The following EPB41L4A variants were observed in gnomAD, a reference collection of about 807,000 sequenced individuals.
EPB41L4A encodes the protein erythrocyte membrane protein band 4.1 like 4A.
A neutral mutation model predicts 108.6 loss-of-function variants in EPB41L4A; 100 were observed. That is an observed-to-expected ratio of 0.92 (90% CI 0.78 to 1.09). The LOEUF (loss-of-function observed/expected upper bound fraction) is 1.09, where lower values mean the gene tolerates loss of function less well. Among genes scored for constraint, EPB41L4A ranks in the 50% least tolerant of loss-of-function variants. The pLI is 0.00. For missense variants in EPB41L4A, 1,030 were observed against 842.7 expected (o/e 1.22, Z -2.75); for synonymous variants, 319 against 289.0 (o/e 1.10, Z -1.05).
chr5:112,218,197 G>A (rs1017911160), intron 12 of EPB41L4A, among the ~76,000 whole-genome samples: 1 of 152,152 alleles, frequency 6.6e-6, no homozygotes, highest in African/African-American at 2.4e-5. Context: ...CAAAGGAGTA[G>A]GATGAGAGAC....
chr5:112,355,739 T>TA (rs1434723382), intron 1 of EPB41L4A, among the ~76,000 whole-genome samples: 1 of 152,216 alleles, frequency 6.6e-6, no homozygotes, highest in East Asian at 1.9e-4. Flanking sequence ...ATGCTCTTCT[T>TA]AGAGATATAC....
chr5:112,380,718 A>C (rs1200854502), intron 1 of EPB41L4A, among the ~76,000 whole-genome samples: 1 of 152,002 alleles, frequency 6.6e-6, no homozygotes, highest in African/African-American at 2.4e-5. Context: ...AAAAAATGAA[A>C]TGTCCCCAAT....
At chr5:112,221,413 G>T (rs1282946226) in intron 12 of EPB41L4A, among the ~76,000 whole-genome samples, 2 of 152,134 alleles carry the variant, frequency 1.3e-5, no homozygotes, top group Non-Finnish European at 2.9e-5. Context: ...TCTCAGCTCT[G>T]CCAGTTTACC....
chr5:112,266,396 C>G, intron 4 of EPB41L4A, 66 bp from the exon 5 acceptor site: 1 of 1,113,182 alleles, frequency 9.0e-7, no homozygotes, highest in Non-Finnish European at 1.3e-6. Context: ...GTTTCGGACC[C>G]TGATAATCAA....
At chr5:112,143,996 T>C (rs1326128292) in intron 13 of EPB41L4A, 2 of 342,744 alleles carry the variant, frequency 5.8e-6, no homozygotes, top group East Asian at 1.7e-4. Context: ...TTATTATCAC[T>C]GGACTGGATC....
chr5:112,162,968 G>A lies in EPB41L4A; in HGVS notation c.*2022C>T, dbSNP rs1403677773. 1.3e-5 allele frequency: 2 copies of A among 152,182 alleles called. No individual in the cohort carries two copies. Among genetic ancestry groups the A allele is most frequent in the Non-Finnish European group, 2.9e-5 (2 of 68,050 alleles). 9.4% of individuals were successfully genotyped at this position (152,182 alleles called of 1,614,324 possible). ...GTTTTAGAACTGAGTCCTTACTGAGGCTTGTAAGATGGCTATTATGGGAGG... is the reference window on the plus strand; with the variant it reads ...GTTTTAGAACTGAGTCCTTACTGAGACTTGTAAGATGGCTATTATGGGAGG... On this transcript the variant is annotated 3_prime_UTR_variant, in exon 23 of 23. Coordinates refer to ENST00000261486, the MANE Select transcript of EPB41L4A (RefSeq NM_022140.5).
At chr5:112,282,200 CAAGTA>C (rs775684203) in intron 2 of EPB41L4A, among the ~76,000 whole-genome samples, 7 of 152,100 alleles carry the variant, frequency 4.6e-5, no homozygotes, top group Non-Finnish European at 1.0e-4. Context: ...GTAGCTCATT[CAAGTA>C]GAGTAAAATC....
At chr5:112,195,821 A>G (rs1761940216) in intron 15 of EPB41L4A, 113 bp from the exon 16 acceptor site, 1 of 913,902 alleles carries the variant, frequency 1.1e-6, no homozygotes, top group Admixed American at 2.3e-5. Flanking sequence ...ACATTCATTC[A>G]TTTGCCAAAC....
intron 4 of EPB41L4A, among the ~76,000 whole-genome samples, chr5:112,274,416 C>G (rs545517496): frequency 1.1e-3 from 163 of 152,186 alleles, no homozygotes; most frequent in African/African-American, 3.6e-3. Context: ...TATGGCACTT[C>G]AAAGTGGGAT....
At chr5:112,369,034 C>A (rs1759316985) in intron 1 of EPB41L4A, among the ~76,000 whole-genome samples, 1 of 152,106 alleles carries the variant, frequency 6.6e-6, no homozygotes, top group Admixed American at 6.5e-5. Context: ...GATCCAAAGT[C>A]TTCTCTCCAG....
intron 2 of EPB41L4A, among the ~76,000 whole-genome samples, chr5:112,287,758 A>G (rs1477482895): frequency 6.6e-6 from 1 of 152,216 alleles, no homozygotes; most frequent in Admixed American, 6.5e-5. Flanking sequence ...GCTGTCTCTA[A>G]GAGCCTCAAT....
At chr5:112,224,962 C>G (rs1287620559) in intron 12 of EPB41L4A, among the ~76,000 whole-genome samples, 2 of 152,208 alleles carry the variant, frequency 1.3e-5, no homozygotes, top group Non-Finnish European at 2.9e-5. Flanking sequence ...AAAATTTATA[C>G]TAACTTCTTC....
At position 112,368,627 on chromosome 5, in the gene EPB41L4A, C is replaced by T. The variant is rs577465282; in HGVS notation, c.99+50314G>A. Among the ~76,000 whole-genome samples the T allele has an allele frequency of 4.4e-4, 67 of 152,232 alleles. No individual in the cohort carries two copies. The South Asian group carries it at 0.012, about 26-fold the overall frequency. On this transcript the variant is annotated intron_variant, in intron 1 of 22. Transcript: ENST00000261486. ...AAACCACTGTTCTACTGCACCTGCT[C>T]TCCCAAAGCCCACCACTTTCTTGGA...
intron 18 of EPB41L4A, among the ~76,000 whole-genome samples, chr5:112,183,102 G>A (rs964617446): frequency 1.7e-4 from 26 of 152,118 alleles, no homozygotes; most frequent in African/African-American, 5.6e-4. Flanking sequence ...GAGTCCTGGT[G>A]TGAACCCCCC....
At chr5:112,157,543 G>T (rs1759693305) in intron 12 of EPB41L4A, among the ~76,000 whole-genome samples, 1 of 152,140 alleles carries the variant, frequency 6.6e-6, no homozygotes, top group Non-Finnish European at 1.5e-5. Flanking sequence ...TCAGCTGAGG[G>T]TTATTCCCAG....
chr5:112,244,371 G>C (rs941391841), intron 9 of EPB41L4A, among the ~76,000 whole-genome samples: 2 of 152,298 alleles, frequency 1.3e-5, no homozygotes, highest in African/African-American at 4.8e-5. Flanking sequence ...TGGCTACACT[G>C]TCTGGGGTAT....
intron 8 of EPB41L4A, among the ~76,000 whole-genome samples, 169 bp from the exon 9 acceptor site, chr5:112,259,461 C>T (rs1751343778): frequency 6.6e-6 from 1 of 152,174 alleles, no homozygotes; most frequent in Non-Finnish European, 1.5e-5. Flanking sequence ...CTAATGAAAA[C>T]TCCATTCTCA....
chr5:112,223,142 G>C (rs1748188804), intron 12 of EPB41L4A, among the ~76,000 whole-genome samples: 8 of 151,948 alleles, frequency 5.3e-5, no homozygotes, highest in Admixed American at 5.2e-4. Context: ...GTTTCGTCAT[G>C]TTGGCCAGGC....
chr5:112,191,649 C>G (rs17134215), intron 17 of EPB41L4A, among the ~76,000 whole-genome samples: 4,920 of 151,156 alleles, frequency 0.033, 305 homozygotes, highest in African/African-American at 0.11. Flanking sequence ...GGCCTCATGC[C>G]TAACAGAAAA....
Sources: gnomAD v4.1 joint callset for allele counts (sites outside exome capture counted in the v4.1 genomes callset) on GRCh38, gnomAD v4.1.1 for gene constraint, MANE v1.5 for transcripts, NCBI Gene and HGNC (gene_info 2026-07-23, HGNC 2026-07-21) for gene names.